Variants in ZNF710 observed in about 807,000 individuals in gnomAD.
The protein encoded by ZNF710 is zinc finger protein 710.
Under a neutral mutation model 50.6 loss-of-function variants are expected in ZNF710, and 13 were observed. The ratio of observed to expected loss-of-function variants is 0.26; its 90% confidence interval spans 0.17 to 0.41. ZNF710 has a LOEUF of 0.41. ZNF710 is among the 10% of genes least tolerant of loss of function. The probability of loss-of-function intolerance (pLI) is 1.00; values close to 1 mark genes in which losing one functional copy is unlikely to be tolerated. For synonymous variants in ZNF710, 383 were observed against 397.0 expected, an observed-to-expected ratio of 0.96 and a Z score of 0.42; for missense variants, 721 against 936.6, an observed-to-expected ratio of 0.77 and a Z score of 3.01.
At position 90,080,216 on chromosome 15, in the gene ZNF710, C is replaced by T; in HGVS notation, c.*387C>T. On this transcript the variant is annotated 3_prime_UTR_variant, in exon 5 of 5. Coordinates refer to ENST00000268154, the MANE Select transcript of ZNF710 (RefSeq NM_198526.4). ...GTCCTGACACTGGAAGAAGAGACCA[C>T]TTGAGCCATGTCTTTTTCACGGCCA... 2 of 168,604 alleles carry T rather than the reference C, an allele frequency of 1.2e-5. No individual in the cohort carries two copies. The highest frequency in any genetic ancestry group is 1.3e-5 in the Non-Finnish European group (1 of 79,488). The allele number at this position is 168,604 out of a possible 1,614,324, so 10.4% of individuals were successfully genotyped here. A position where few individuals can be genotyped will look rare whatever the true frequency, so the allele number is the denominator to read the frequency against.
chr15:90,068,935 A>T lies in ZNF710; in HGVS notation c.1458+340A>T, dbSNP rs1381173088. Reference sequence around the variant, plus strand: ...TAATGAGACCCCATCGCTACAAAAAAATTTAAACATGGCTAGGCGTGATGG... The same window carrying T: ...TAATGAGACCCCATCGCTACAAAAATATTTAAACATGGCTAGGCGTGATGG... On this transcript the variant is annotated intron_variant, in intron 2 of 4. Transcript: ENST00000268154. This position sits in a 1 kb window ranked among gnomAD's most constrained non-coding sequence, Gnocchi z 5.0. Among the ~76,000 whole-genome samples the T allele has an allele frequency of 3.9e-5, 6 of 152,020 alleles. No homozygotes were observed. Among genetic ancestry groups the T allele is most frequent in the Non-Finnish European group, 2.9e-5 (2 of 67,998 alleles).
At chr15:89,998,577 T>G (rs1897961982), upstream of ZNF710, among the ~76,000 whole-genome samples, 1 of 152,192 alleles carries the variant, frequency 6.6e-6, no homozygotes, top group African/African-American at 2.4e-5. Flanking sequence ...CACTCTGGTT[T>G]CAACCCTGAA....
At chr15:90,069,986 C>T (rs1900320464) in intron 2 of ZNF710, among the ~76,000 whole-genome samples, 1 of 152,208 alleles carries the variant, frequency 6.6e-6, no homozygotes, top group South Asian at 2.1e-4. Context: ...CAACTTTACC[C>T]TTCAAAGCTG....
At position 90,063,787 on chromosome 15, in the gene ZNF710, C is replaced by T. The variant is rs118100620; in HGVS notation, c.-28-3323C>T. ...TTTTGCCCTCTCCTCACCTCTAAAG[C>T]AGTGTTAACTGTTTCCTTATGCCCG... On this transcript the variant is annotated intron_variant, in intron 1 of 4. Coordinates refer to ENST00000268154, the MANE Select transcript of ZNF710 (RefSeq NM_198526.4). 6.4e-4 allele frequency among the ~76,000 whole-genome samples: 97 copies of T among 152,252 alleles called. 1 individual carries two copies. The East Asian group carries it at 0.015, about 23-fold the overall frequency.
intron 1 of ZNF710, among the ~76,000 whole-genome samples, chr15:90,013,194 G>C (rs765394806): frequency 6.6e-6 from 1 of 152,108 alleles, no homozygotes; most frequent in South Asian, 2.1e-4. Flanking sequence ...CACCTCCCCC[G>C]GGTTCAAGTG....
rs1004337300 is a variant in ZNF710 at position 90,013,945 on chromosome 15, C to T, written c.-29+12331C>T. On this transcript the variant is annotated intron_variant, in intron 1 of 4. Coordinates refer to ENST00000268154, the MANE Select transcript of ZNF710 (RefSeq NM_198526.4). ...CACTGGATTCTGAGCTTTTTGAAAG[C>T]CCAGAGCTGTATCATTTATTTCTGG... is the stretch of plus-strand genomic sequence containing the variant. 2.0e-5 allele frequency among the ~76,000 whole-genome samples: 3 copies of T among 152,116 alleles called. No individual in the cohort carries two copies. The South Asian group carries it at 6.2e-4, about 32-fold the overall frequency.
chr15:90,028,708 G>A (rs1302527103), intron 1 of ZNF710, among the ~76,000 whole-genome samples: 1 of 152,206 alleles, frequency 6.6e-6, no homozygotes, highest in Non-Finnish European at 1.5e-5. Context: ...GTTGGGCAGT[G>A]TGGACAGACG....
At chr15:90,078,677 C>A (rs1567248898) in intron 4 of ZNF710, among the ~76,000 whole-genome samples, 1 of 152,306 alleles carries the variant, frequency 6.6e-6, no homozygotes, top group East Asian at 1.9e-4. Flanking sequence ...GGGTAGAGGC[C>A]AGGGATGCTG....
At chr15:90,041,354 C>G (rs1271805566) in intron 1 of ZNF710, among the ~76,000 whole-genome samples, 2 of 152,032 alleles carry the variant, frequency 1.3e-5, no homozygotes. Flanking sequence ...ACATGCCTGG[C>G]TAATTTTTTT....
At chr15:90,061,594 G>A (rs1350626785) in intron 1 of ZNF710, among the ~76,000 whole-genome samples, 4 of 152,192 alleles carry the variant, frequency 2.6e-5, no homozygotes, top group Admixed American at 2.6e-4. Flanking sequence ...GGTTTTGGGT[G>A]TCTTCACCCA....
At chr15:90,031,034 A>AAAAC (rs1555456816) in intron 1 of ZNF710, among the ~76,000 whole-genome samples, 6 of 151,100 alleles carry the variant, frequency 4.0e-5, no homozygotes, top group Non-Finnish European at 8.9e-5. Context: ...AAAAGAAAAA[A>AAAAC]AAAAAAATGC....
At chr15:90,073,607 C>CAGTG (rs1328943412) in intron 3 of ZNF710, among the ~76,000 whole-genome samples, 1 of 152,126 alleles carries the variant, frequency 6.6e-6, no homozygotes, top group African/African-American at 2.4e-5. Context: ...CTCACAGGAG[C>CAGTG]AGTGACCCCC....
chr15:90,074,484 G>A (rs1390227562), intron 4 of ZNF710, 194 bp downstream of exon 4: 8 of 1,526,036 alleles, frequency 5.2e-6, no homozygotes, highest in Non-Finnish European at 7.0e-6. Flanking sequence ...CTTCTTCAAA[G>A]GACTTAAATG....
chr15:90,029,218 C>T (rs903988822), intron 1 of ZNF710, among the ~76,000 whole-genome samples: 2 of 152,096 alleles, frequency 1.3e-5, no homozygotes, highest in Non-Finnish European at 2.9e-5. Context: ...AGGACTTTGA[C>T]CCAGGAACAT....
At position 90,068,004 on chromosome 15, in the gene ZNF710, C is replaced by T. The variant is rs746007474; in HGVS notation, c.867C>T (p.Gly289=). ...ACGACTCCTATCTGGTGGAGGCGGG[C>T]GACCGCCAGAAGCGCTGGCAGTGCC... The part of the protein sequence containing the change: ...QIDDSYLVEA[G]DRQKRWQCRM... The change falls in exon 2 of 5, where the codon GGC becomes GGT. Residue 289 remains glycine (G), a synonymous_variant. Coordinates refer to ENST00000268154, the MANE Select transcript of ZNF710 (RefSeq NM_198526.4). The surrounding 1 kb of genome is among the most constrained non-coding windows in gnomAD (Gnocchi z 5.0). 1.7e-5 allele frequency: 27 copies of T among 1,613,950 alleles called. 1 individual carries two copies. The highest frequency in any genetic ancestry group is 3.3e-4 in the Middle Eastern group (2 of 6,084).
In ZNF710 at chr15:90,079,957, C is replaced by T. The variant is rs549253467; in HGVS notation, c.*128C>T. The T allele has an allele frequency of 2.9e-4, 269 of 916,696 alleles. 1 individual carries two copies. The South Asian group carries it at 5.4e-3, about 18-fold the overall frequency. 56.8% of individuals were successfully genotyped at this position (916,696 alleles called of 1,614,324 possible). On this transcript the variant is annotated 3_prime_UTR_variant, in exon 5 of 5. Transcript: ENST00000268154. ...CCCACTGTTCTGAGCCCTCCCTCCC[C>T]GAGTCATTTGCACCACTAGGGACCT... is the stretch of plus-strand genomic sequence containing the variant.
chr15:90,080,268 T>C lies in ZNF710; in HGVS notation c.*439T>C. The C allele has an allele frequency of 6.3e-6, 1 of 159,462 alleles. No homozygotes were observed. The highest frequency in any genetic ancestry group is 1.4e-5 in the Non-Finnish European group (1 of 73,094). 9.9% of individuals were successfully genotyped at this position (159,462 alleles called of 1,614,324 possible). A position where few individuals can be genotyped will look rare whatever the true frequency, so the allele number is the denominator to read the frequency against. On this transcript the variant is annotated 3_prime_UTR_variant, in exon 5 of 5. Coordinates refer to ENST00000268154, the MANE Select transcript of ZNF710 (RefSeq NM_198526.4). ...CTCCTGCCTCTAAGGATGTCTGAGC[T>C]CCCCTCTGGCCAGTACTGCCCACCT... is the stretch of plus-strand genomic sequence containing the variant.
chr15:90,066,881 G>A (rs1018750362), intron 1 of ZNF710, among the ~76,000 whole-genome samples: 3 of 152,178 alleles, frequency 2.0e-5, no homozygotes, highest in Non-Finnish European at 4.4e-5. Flanking sequence ...CAGCAAGGGG[G>A]CAGAGCTTAC....
chr15:90,017,856 G>C (rs1318362026), intron 1 of ZNF710, among the ~76,000 whole-genome samples: 1 of 151,972 alleles, frequency 6.6e-6, no homozygotes, highest in Non-Finnish European at 1.5e-5. Context: ...GATCATAAAG[G>C]GACCGGCAAC....
Sources: allele counts gnomAD v4.1 joint callset (sites outside exome capture counted in the v4.1 genomes callset), GRCh38; gene constraint gnomAD v4.1.1; non-coding constraint Gnocchi (gnomAD v3.1); transcripts MANE v1.5; gene names NCBI Gene and HGNC (gene_info 2026-07-23, HGNC 2026-07-21).